CCDC66: variants seen among roughly 807,000 people sequenced by gnomAD.
CCDC66 encodes coiled-coil domain-containing protein 66.
CCDC66 carries 133 observed loss-of-function variants against 128.3 expected under a neutral mutation model. The ratio of observed to expected loss-of-function variants is 1.04; its 90% CI spans 0.90 to 1.20. CCDC66 has a LOEUF of 1.20. CCDC66 is among the 50% of genes most tolerant of loss of function. CCDC66 has a pLI of 0.00. For missense variants in CCDC66, 1,126 were observed against 1,075.5 expected (o/e 1.05, Z -0.66); for synonymous variants, 387 against 357.0 (o/e 1.08, Z -0.95).
At chr3:56,604,993 T>A (rs1008044057) in intron 10 of CCDC66, among the ~76,000 whole-genome samples, 4 of 152,024 alleles carry the variant, frequency 2.6e-5, no homozygotes, top group Admixed American at 2.0e-4. Flanking sequence ...TTTCTAATCT[T>A]GTCTTTTTGC....
intron 3 of CCDC66, chr3:56,563,393 GAAA>G (rs34569651): frequency 2.2e-3 from 432 of 192,910 alleles, no homozygotes; most frequent in Non-Finnish European, 3.4e-3. Flanking sequence ...TTTTTTAATT[GAAA>G]AAAAAAAAAA....
intron 7 of CCDC66, among the ~76,000 whole-genome samples, chr3:56,581,574 G>A (rs1161342422): frequency 6.6e-6 from 1 of 151,826 alleles, no homozygotes; most frequent in Non-Finnish European, 1.5e-5. Context: ...TGATGATGGT[G>A]ACGTACAGAT....
chr3:56,581,818 G>A (rs1294096098), intron 7 of CCDC66, among the ~76,000 whole-genome samples: 6 of 151,846 alleles, frequency 4.0e-5, no homozygotes, highest in African/African-American at 1.2e-4. Flanking sequence ...GGTGACAGTC[G>A]GCCCCTACTG....
rs2075809061 is a variant in CCDC66 at position 56,618,381 on chromosome 3, G to A, written c.2378+169G>A. 2.5e-5 allele frequency: 14 copies of A among 561,690 alleles called. No individual in the cohort carries two copies. The South Asian group carries it at 3.9e-4, about 16-fold the overall frequency. 34.8% of individuals were successfully genotyped at this position (561,690 alleles called of 1,614,324 possible). A position where few individuals can be genotyped will look rare whatever the true frequency, so the allele number is the denominator to read the frequency against. On this transcript the variant is annotated intron_variant, in intron 15 of 17. Coordinates refer to ENST00000394672, the MANE Select transcript of CCDC66 (RefSeq NM_001141947.3). ...TAAGGGATAGTGTGGCACTTTAGCA[G>A]GAGCTTGAAGGCCCAAGTTGGACTG...
intron 4 of CCDC66, chr3:56,565,117 TG>T: frequency 2.4e-6 from 1 of 421,544 alleles, no homozygotes; most frequent in Non-Finnish European, 4.8e-6. Context: ...CTAAAACATC[TG>T]ATTTTGATAT....
rs200755390 is a variant in CCDC66, at chr3:56,617,328, T to G, written c.2060T>G (p.Ile687Arg). The part of the protein sequence containing the change: ...CNDQCNQFTR[I>R]EKQTKHMKKY... ...GACCAGTGTAATCAGTTCACAAGAA[T>G]AGAGAAACAAACAAAACACATGAAG... The change falls in exon 14 of 18, where the codon ATA becomes AGA. Residue 687 changes from isoleucine (I) to arginine (R), a missense_variant. By Grantham distance (97) the Ile-to-Arg change is moderately conservative. Transcript: ENST00000394672. The G allele has an allele frequency of 7.2e-5, 116 of 1,612,274 alleles. 1 individual carries two copies. Among genetic ancestry groups the G allele is most frequent in the Non-Finnish European group, 9.2e-5 (109 of 1,179,640 alleles).
At chr3:56,581,418 C>T (rs764330308) in intron 7 of CCDC66, among the ~76,000 whole-genome samples, 3 of 151,850 alleles carry the variant, frequency 2.0e-5, no homozygotes, top group Non-Finnish European at 4.4e-5. Context: ...CTCAACTCAT[C>T]AAAGTCATTC....
chr3:56,617,595 T>C lies in CCDC66; in HGVS notation c.2327T>C (p.Leu776Pro). 3 of 1,597,452 alleles carry C rather than the reference T, an allele frequency of 1.9e-6. No individual in the cohort carries two copies. The highest frequency in any genetic ancestry group is 2.6e-6 in the Non-Finnish European group (3 of 1,175,344). Residue 776 changes from leucine (L) to proline (P), a missense_variant, in exon 14 of 18, where the codon CTA becomes CCA. Transcript: ENST00000394672. ...QETESKLRWH[L>P]VKKEEEPLNI... ...ACGGAGTCAAAGTTGAGGTGGCATC[T>C]AGTCAAAAAGGTAAAGCTCTTCCAT...
Position 56,617,575 on chromosome 3 carries a change from G to A in CCDC66, c.2307G>A (p.Glu769=), listed in dbSNP as rs377354878. 2.5e-6 allele frequency: 4 copies of A among 1,606,538 alleles called. No homozygotes were observed. The African/African-American group carries it at 5.4e-5, about 22-fold the overall frequency. Residue 769 remains glutamate (E), a synonymous_variant, in exon 14 of 18, where the codon GAG becomes GAA. Transcript: ENST00000394672. ...EIFHSSHQET[E]SKLRWHLVKK... is the part of the protein sequence containing the mutation. ...TTCATTCATCTCATCAAGAAACGGA[G>A]TCAAAGTTGAGGTGGCATCTAGTCA...
chr3:56,611,161 C>T (rs180820688), intron 10 of CCDC66, among the ~76,000 whole-genome samples: 1 of 152,100 alleles, frequency 6.6e-6, no homozygotes, highest in Non-Finnish European at 1.5e-5. Context: ...TCTTCCGATA[C>T]CAGGGTGGAT....
chr3:56,574,995 A>G (rs1030867050), intron 7 of CCDC66, among the ~76,000 whole-genome samples: 1 of 151,912 alleles, frequency 6.6e-6, no homozygotes, highest in African/African-American at 2.4e-5. Flanking sequence ...TAATGCTGCT[A>G]TGAACATTGG....
chr3:56,607,674 C>T (rs1190876514), intron 10 of CCDC66, among the ~76,000 whole-genome samples: 5 of 152,104 alleles, frequency 3.3e-5, no homozygotes, highest in Non-Finnish European at 5.9e-5. Context: ...TCCAGTACTA[C>T]GTTGAAGAGG....
chr3:56,598,644 A>G (rs988929508), intron 10 of CCDC66, among the ~76,000 whole-genome samples: 2 of 152,048 alleles, frequency 1.3e-5, no homozygotes, highest in Non-Finnish European at 2.9e-5. Flanking sequence ...AATTTTGTGA[A>G]ATGTTTTTTC....
intron 3 of CCDC66, chr3:56,563,471 C>G (rs2065397814): frequency 1.9e-6 from 1 of 524,358 alleles, no homozygotes; most frequent in Non-Finnish European, 3.3e-6. Flanking sequence ...GTGGAGATGT[C>G]CTATAACAAC....
chr3:56,615,784 T>A, intron 12 of CCDC66, 138 bp from the exon 13 acceptor site: 1 of 573,396 alleles, frequency 1.7e-6, no homozygotes, highest in South Asian at 2.4e-5. Flanking sequence ...GATAGGAATG[T>A]GGGTACTTTT....
chr3:56,582,849 T>A lies in CCDC66; in HGVS notation c.937-10121T>A, dbSNP rs527689489. ...TCCCTTTTTTGACTTCTCAACTTTC[T>A]TTATTATTATTATTATTATTATTAT... On this transcript the variant is annotated intron_variant, in intron 7 of 17. Coordinates refer to ENST00000394672, the MANE Select transcript of CCDC66 (RefSeq NM_001141947.3). 8.1e-3 allele frequency among the ~76,000 whole-genome samples: 1,094 copies of A among 134,850 alleles called. 15 individuals carry two copies. The highest frequency in any genetic ancestry group is 0.035 in the South Asian group (131 of 3,734). 88.5% of individuals were successfully genotyped at this position (134,850 alleles called of 152,430 possible). A position where few individuals can be genotyped will look rare whatever the true frequency, so the allele number is the denominator to read the frequency against.
intron 3 of CCDC66, chr3:56,561,405 T>G (rs1253221290): frequency 2.2e-5 from 8 of 369,650 alleles, no homozygotes; most frequent in Non-Finnish European, 4.2e-5. Flanking sequence ...GTTACTAGTC[T>G]TGGACTTTTG....
Position 56,566,734 on chromosome 3 carries a change from A to G in CCDC66, c.685A>G (p.Lys229Glu), listed in dbSNP as rs1482150242. 1 of 1,612,122 alleles carries G rather than the reference A, an allele frequency of 6.2e-7. No individual in the cohort carries two copies. Among genetic ancestry groups the G allele is most frequent in the East Asian group, 2.2e-5 (1 of 44,816 alleles). ...CTTAAATGAACATCAGGAGACATCT[A>G]AACAGTGTGAGCAAAAAATTGCCAT... Reference protein sequence around the residue: ...SVLNEHQETSKQCEQKIAIEN... With the variant: ...SVLNEHQETSEQCEQKIAIEN... Residue 229 changes from lysine to glutamate, a missense_variant, in exon 5 of 18, where the codon AAA (lysine) becomes GAA (glutamate). Physicochemically the swap from Lys to Glu is moderately conservative, Grantham distance 56 (BLOSUM62 1). Coordinates refer to ENST00000394672, the MANE Select transcript of CCDC66 (RefSeq NM_001141947.3).
intron 10 of CCDC66, among the ~76,000 whole-genome samples, chr3:56,609,140 T>C (rs1034993981): frequency 6.6e-6 from 1 of 152,214 alleles, no homozygotes; most frequent in African/African-American, 2.4e-5. Context: ...CAGGGTATAG[T>C]TTAAATCCAT....
Sources: allele counts gnomAD v4.1 joint callset (sites outside exome capture counted in the v4.1 genomes callset), GRCh38; gene constraint gnomAD v4.1.1; transcripts MANE v1.5; gene names NCBI Gene and HGNC (gene_info 2026-07-23, HGNC 2026-07-21).